Variants in SMG8 observed in about 807,000 individuals in gnomAD.
SMG8 encodes the protein nonsense-mediated mRNA decay factor SMG8.
In SMG8, 49 loss-of-function variants were observed where a neutral mutation model predicts 82.1. The ratio of observed to expected loss-of-function variants is 0.60; its 90% CI spans 0.47 to 0.76. The LOEUF is 0.76. SMG8 is among the 30% of genes least tolerant of loss of function. SMG8 has a pLI of 0.00. For missense variants in SMG8, 969 were observed against 1,166.4 expected, an observed-to-expected ratio of 0.83 and a Z score of 2.46; for synonymous variants, 404 against 430.0, an observed-to-expected ratio of 0.94 and a Z score of 0.75.
chr17:59,210,657 C>G lies in SMG8; in HGVS notation c.606C>G (p.Tyr202Ter), dbSNP rs778495666. The G allele has an allele frequency of 1.9e-6, 3 of 1,614,084 alleles. No individual in the cohort carries two copies. The highest frequency in any genetic ancestry group is 2.5e-6 in the Non-Finnish European group (3 of 1,179,974). Residue 202 changes from tyrosine to a stop codon, truncating the protein, a stop_gained, in exon 1 of 4, where the codon TAC (tyrosine) becomes TAG (stop). Coordinates refer to ENST00000300917, the MANE Select transcript of SMG8 (RefSeq NM_018149.7). LOFTEE classifies it high-confidence loss of function. ...QEKLQCLSLL[Y>*]LFSVCHILLL... The stretch of plus-strand genomic sequence containing the variant: ...AGCTGCAGTGCCTCAGTCTCCTTTA[C>G]CTATTCTCTGTCTGTCATATCTTGC...
intron 1 of SMG8, chr17:59,212,050 T>C (rs905811450): frequency 1.2e-5 from 5 of 432,080 alleles, no homozygotes; most frequent in African/African-American, 2.0e-5. Context: ...AATTATTAAG[T>C]AGTATAAAAT....
At chr17:59,213,707 C>CGTTAGCCTCAAAACTAATTATT in intron 3 of SMG8, 106 bp downstream of exon 3, 13 of 1,408,222 alleles carry the variant, frequency 9.2e-6, no homozygotes, top group Non-Finnish European at 1.2e-5. Context: ...TTATTTCAGG[C>CGTTAGCCTCAAAACTAATTATT]TGAGGGCAGT....
At chr17:59,212,225 T>G (rs1250051397) in intron 1 of SMG8, 116 bp from the exon 2 acceptor site, 9 of 730,026 alleles carry the variant, frequency 1.2e-5, no homozygotes, top group South Asian at 7.0e-5. Flanking sequence ...TTCACTTGCT[T>G]CTTCTGTTAT....
intron 1 of SMG8, chr17:59,212,102 A>G (rs1191554957): frequency 7.0e-6 from 3 of 428,098 alleles, no homozygotes; most frequent in Non-Finnish European, 1.2e-5. Context: ...GAGGATTTGT[A>G]GAACTAAAAT....
In SMG8 at chr17:59,211,502, T is replaced by G; in HGVS notation, c.1451T>G (p.Val484Gly). ...LTSKILSSIKVLEGFLDIDTK... is the reference protein window; with the variant it reads ...LTSKILSSIKGLEGFLDIDTK... ...TCTAAGATTTTAAGCAGTATTAAAGTCTTGGAAGGATTTTTGGATATTGAC... is the reference window on the plus strand; with the variant it reads ...TCTAAGATTTTAAGCAGTATTAAAGGCTTGGAAGGATTTTTGGATATTGAC... Residue 484 changes from valine (V) to glycine (G), a missense_variant, in exon 1 of 4, where the codon GTC becomes GGC. Coordinates refer to ENST00000300917, the MANE Select transcript of SMG8 (RefSeq NM_018149.7). The G allele has an allele frequency of 6.2e-7, 1 of 1,613,876 alleles. No homozygotes were observed. Among genetic ancestry groups the G allele is most frequent in the Non-Finnish European group, 8.5e-7 (1 of 1,179,968 alleles).
In SMG8 at chr17:59,215,147, G is replaced by T. The variant is rs1451533703; in HGVS notation, c.*145G>T. 6 of 578,296 alleles carry T rather than the reference G, an allele frequency of 1.0e-5. No homozygotes were observed. The highest frequency in any genetic ancestry group is 1.8e-5 in the Non-Finnish European group (6 of 326,202). The allele number at this position is 578,296 out of a possible 1,614,324, so 35.8% of individuals were successfully genotyped here. On this transcript the variant is annotated 3_prime_UTR_variant, in exon 4 of 4. Coordinates refer to ENST00000300917, the MANE Select transcript of SMG8 (RefSeq NM_018149.7). ...GAGTTCAGTATTTGGAAACTAATTT[G>T]TTCTACTTTTTCATTATATTGTTGA...
chr17:59,213,227 A>G lies in SMG8; in HGVS notation c.2404A>G (p.Ile802Val), dbSNP rs1568332669. 2 of 1,614,240 alleles carry G rather than the reference A, an allele frequency of 1.2e-6. No individual in the cohort carries two copies. The highest frequency in any genetic ancestry group is 8.5e-7 in the Non-Finnish European group (1 of 1,180,050). ...TTATCTTATGCCTTGGGACATTGTC[A>G]TCAGGACTAGAGCTGAAGATGAAGG... The part of the protein sequence containing the change: ...TNYLMPWDIV[I>V]RTRAEDEGDL... The change falls in exon 3 of 4, where the codon ATC becomes GTC. Residue 802 changes from isoleucine (I) to valine (V), a missense_variant. Physicochemically the swap from Ile to Val is conservative, Grantham distance 29. Around this residue, in one of 3 missense-constraint regions of SMG8, gnomAD observed 662 missense variants for 884.8 expected, o/e 0.75. Transcript: ENST00000300917.
chr17:59,212,520 T>C, intron 2 of SMG8, 34 bp downstream of exon 2: 1 of 1,579,646 alleles, frequency 6.3e-7, no homozygotes, highest in Non-Finnish European at 8.6e-7. Context: ...TCCTCTTCTG[T>C]CTTTTTTTGT....
rs2046939828 is a variant in SMG8, at chr17:59,210,342, C to T, written c.291C>T (p.Gly97=). Residue 97 remains glycine (G), a synonymous_variant, in exon 1 of 4, where the codon GGC becomes GGT. Coordinates refer to ENST00000300917, the MANE Select transcript of SMG8 (RefSeq NM_018149.7). ...GACCTGGAATCAGAACTGAGGCTGG[C>T]GCCGTGGGTGAGGCCGGTGGAGCCG... ...DPGPGIRTEA[G]AVGEAGGAED... is the part of the protein sequence containing the mutation. 1.2e-6 allele frequency: 2 copies of T among 1,611,806 alleles called. No homozygotes were observed. Among genetic ancestry groups the T allele is most frequent in the Admixed American group, 1.7e-5 (1 of 59,488 alleles).
In SMG8 at chr17:59,215,228, G is replaced by T; in HGVS notation, c.*226G>T. On this transcript the variant is annotated 3_prime_UTR_variant, in exon 4 of 4. Transcript: ENST00000300917. ...AATAAAGATTGGTTGTTCTAGAAAA[G>T]AATATAAAATACATGGATGATACCT... 2 of 468,124 alleles carry T rather than the reference G, an allele frequency of 4.3e-6. No homozygotes were observed. Among genetic ancestry groups the T allele is most frequent in the Non-Finnish European group, 7.6e-6 (2 of 263,534 alleles). The allele number at this position is 468,124 out of a possible 1,614,324, so 29.0% of individuals were successfully genotyped here.
In SMG8 at chr17:59,210,675, T is replaced by C. The variant is rs776612781; in HGVS notation, c.624T>C (p.His208=). The C allele has an allele frequency of 6.2e-7, 1 of 1,614,126 alleles. No homozygotes were observed. Among genetic ancestry groups the C allele is most frequent in the South Asian group, 1.1e-5 (1 of 91,070 alleles). ...TCCTTTACCTATTCTCTGTCTGTCATATCTTGCTTCTGGTCCATCCCACTT... is the reference window on the plus strand; with the variant it reads ...TCCTTTACCTATTCTCTGTCTGTCACATCTTGCTTCTGGTCCATCCCACTT... ...LSLLYLFSVC[H]ILLLVHPTCS... Residue 208 remains histidine, a synonymous_variant, in exon 1 of 4, where the codon CAT becomes CAC. Transcript: ENST00000300917.
intron 1 of SMG8, chr17:59,212,140 A>T: frequency 4.5e-6 from 2 of 448,032 alleles, no homozygotes; most frequent in Middle Eastern, 6.1e-4. Context: ...ATGGTACATG[A>T]TAATGGTAGC....
At chr17:59,213,661 T>A in intron 3 of SMG8, 60 bp downstream of exon 3, 1 of 1,521,518 alleles carries the variant, frequency 6.6e-7, no homozygotes, top group Non-Finnish European at 8.8e-7. Context: ...TTTGTTTTGA[T>A]TGATTTTAAA....
In SMG8 at chr17:59,213,373, A is replaced by G. The variant is rs771281476; in HGVS notation, c.2550A>G (p.Glu850=). The G allele has an allele frequency of 2.5e-6, 4 of 1,614,228 alleles. No individual in the cohort carries two copies. Among genetic ancestry groups the G allele is most frequent in the South Asian group, 2.2e-5 (2 of 91,080 alleles). The part of the protein sequence containing the change: ...DDIARAFVGF[E]YEDSRGRRFM... The stretch of plus-strand genomic sequence containing the variant: ...TAGCTCGAGCTTTTGTGGGCTTTGA[A>G]TATGAAGACTCTCGAGGTCGGAGAT... Residue 850 remains glutamate, a synonymous_variant, in exon 3 of 4, where the codon GAA becomes GAG. Transcript: ENST00000300917.
chr17:59,214,004 C>T (rs962624479), intron 3 of SMG8, among the ~76,000 whole-genome samples: 37 of 151,868 alleles, frequency 2.4e-4, no homozygotes, highest in Non-Finnish European at 5.9e-5. Flanking sequence ...GAGAAAAGGC[C>T]GGGTACAGTG....
chr17:59,214,826 TGTCC>T lies in SMG8; in HGVS notation c.2802_2805del (p.Cys934TrpfsTer20), dbSNP rs1423233099. On this transcript the variant is annotated frameshift_variant, in exon 4 of 4. Transcript: ENST00000300917. LOFTEE classifies it high-confidence loss of function. ...TCAGGTTCAGCCAGGCCCACCACCA[TGTCC>T]GGTATTCTACCCAGAAAAACAAGAA... is the stretch of plus-strand genomic sequence containing the variant. 1 of 872,990 alleles carries T rather than the reference TGTCC, an allele frequency of 1.1e-6. No individual in the cohort carries two copies. Among genetic ancestry groups the T allele is most frequent in the South Asian group, 1.3e-5 (1 of 76,536 alleles). The allele number at this position is 872,990 out of a possible 1,614,324, so 54.1% of individuals were successfully genotyped here.
chr17:59,211,684 C>A lies in SMG8; in HGVS notation c.1633C>A (p.His545Asn), dbSNP rs1333482841. ...YSQHARGPAF[H>N]KYAMQLHEDC... ...TCAACATGCTAGAGGTCCAGCATTT[C>A]ACAAATACGCCATGCAGTTACATGA... is the stretch of plus-strand genomic sequence containing the variant. The change falls in exon 1 of 4, where the codon CAC becomes AAC. Residue 545 changes from histidine to asparagine, a missense_variant. Coordinates refer to ENST00000300917, the MANE Select transcript of SMG8 (RefSeq NM_018149.7). 1.2e-6 allele frequency: 2 copies of A among 1,614,000 alleles called. No homozygotes were observed. Among genetic ancestry groups the A allele is most frequent in the African/African-American group, 2.7e-5 (2 of 74,924 alleles).
Position 59,213,565 on chromosome 17 carries a change from T to C in SMG8, c.2742T>C (p.Val914=). 6.2e-7 allele frequency: 1 copy of C among 1,613,630 alleles called. No homozygotes were observed. ...AACTTATGAGGCTTTTTGTTGTGGT[T>C]CCTGATGCTCCTTTGCAGATAATAC... ...YAQLMRLFVV[V]PDAPLQIILM... The change falls in exon 3 of 4, where the codon GTT becomes GTC. Residue 914 remains valine (V), a synonymous_variant. Transcript: ENST00000300917.
Position 59,211,290 on chromosome 17 carries a change from C to T in SMG8, c.1239C>T (p.Phe413=). 3 of 1,613,952 alleles carry T rather than the reference C, an allele frequency of 1.9e-6. No homozygotes were observed. Among genetic ancestry groups the T allele is most frequent in the Non-Finnish European group, 2.5e-6 (3 of 1,179,900 alleles). ...GQLVDFTLRE[F]LWQHVELVLS... Reference sequence around the variant, plus strand: ...TAGTGGATTTCACTCTTCGGGAATTCCTATGGCAGCATGTGGAGCTAGTTC... The same window carrying T: ...TAGTGGATTTCACTCTTCGGGAATTTCTATGGCAGCATGTGGAGCTAGTTC... Residue 413 remains phenylalanine, a synonymous_variant, in exon 1 of 4, where the codon TTC becomes TTT. Transcript: ENST00000300917.
Sources: allele counts gnomAD v4.1 joint callset (sites outside exome capture counted in the v4.1 genomes callset), GRCh38; gene constraint gnomAD v4.1.1; regional missense constraint gnomAD v4.1.1; transcripts MANE v1.5; gene names NCBI Gene and HGNC (gene_info 2026-07-23, HGNC 2026-07-21).